The following CDH13 variants were observed in gnomAD, a reference collection of about 807,000 sequenced individuals.
The protein encoded by CDH13 is cadherin 13.
CDH13 carries 24 observed loss-of-function variants against 63.8 expected under a neutral mutation model. That is an observed-to-expected ratio of 0.38 (90% CI 0.27 to 0.53). CDH13 has a LOEUF of 0.53. Among genes scored for constraint, CDH13 ranks in the 20% least tolerant of loss-of-function variants. The probability of loss-of-function intolerance (pLI) is 0.85; values close to 1 mark genes in which losing one functional copy is unlikely to be tolerated. For synonymous variants in CDH13, 503 were observed against 355.3 expected (o/e 1.42, Z -4.67); for missense variants, 1,049 against 903.1 (o/e 1.16, Z -2.07).
In CDH13 at chr16:83,026,422, T is replaced by C. The variant is rs35427520; in HGVS notation, c.158-5588T>C. ...TCTCCTGTAAAATATAATATGATGCTTATATATTTATAGACTGTGCATTCT... is the reference window on the plus strand; with the variant it reads ...TCTCCTGTAAAATATAATATGATGCCTATATATTTATAGACTGTGCATTCT... On this transcript the variant is annotated intron_variant, in intron 2 of 13. Transcript: ENST00000567109. 1.4e-4 allele frequency among the ~76,000 whole-genome samples: 22 copies of C among 152,312 alleles called. No individual in the cohort carries two copies. The South Asian group carries it at 4.4e-3, about 30-fold the overall frequency.
intron 7 of CDH13, among the ~76,000 whole-genome samples, chr16:83,586,194 C>T (rs950296202): frequency 2.0e-5 from 3 of 152,152 alleles, no homozygotes; most frequent in Non-Finnish European, 2.9e-5. Context: ...CGGGAAGGTC[C>T]GCAGCCTGGG....
chr16:82,648,096 C>T (rs1467570589), intron 1 of CDH13, among the ~76,000 whole-genome samples: 2 of 152,170 alleles, frequency 1.3e-5, no homozygotes, highest in Non-Finnish European at 2.9e-5. Context: ...GAGGCCTCCT[C>T]AGCCATGTGG....
rs539811718 is a variant in CDH13, at chr16:83,629,242, A to G, written c.1101+26648A>G. On this transcript the variant is annotated intron_variant, in intron 8 of 13. Coordinates refer to ENST00000567109, the MANE Select transcript of CDH13 (RefSeq NM_001257.5). Reference sequence around the variant, plus strand: ...TACCTAAATAGAGATTGCCCAAAGAAGTTTTGCTGGCTTCTGAAAACTTTC... The same window carrying G: ...TACCTAAATAGAGATTGCCCAAAGAGGTTTTGCTGGCTTCTGAAAACTTTC... Among the ~76,000 whole-genome samples the G allele has an allele frequency of 7.2e-5, 11 of 152,338 alleles. No individual in the cohort carries two copies. In the South Asian group the frequency reaches 2.3e-3, roughly 32 times the overall value.
intron 7 of CDH13, among the ~76,000 whole-genome samples, chr16:83,558,776 G>A (rs974619310): frequency 6.6e-6 from 1 of 152,092 alleles, no homozygotes; most frequent in Non-Finnish European, 1.5e-5. Flanking sequence ...ATTAATGAGA[G>A]CAACAGAGAA....
At chr16:83,743,165 G>A (rs946080924) in intron 10 of CDH13, among the ~76,000 whole-genome samples, 7 of 152,102 alleles carry the variant, frequency 4.6e-5, no homozygotes, top group Non-Finnish European at 1.0e-4. Context: ...TGAGATCGCT[G>A]CCACTGCACT....
At chr16:83,155,772 T>A (rs745650435) in intron 4 of CDH13, among the ~76,000 whole-genome samples, 2 of 152,108 alleles carry the variant, frequency 1.3e-5, no homozygotes, top group Non-Finnish European at 2.9e-5. Context: ...TGCAAACAGA[T>A]GATATAAATA....
chr16:83,156,580 T>A (rs1441923143), intron 4 of CDH13, among the ~76,000 whole-genome samples: 3 of 152,188 alleles, frequency 2.0e-5, no homozygotes, highest in African/African-American at 7.2e-5. Flanking sequence ...CAAAGGTTTA[T>A]GTTTTCAAAG....
chr16:82,881,082 G>C (rs769393350), intron 2 of CDH13, among the ~76,000 whole-genome samples: 7 of 152,118 alleles, frequency 4.6e-5, no homozygotes, highest in African/African-American at 7.2e-5. Context: ...TTCATTTTCA[G>C]TGCTTTAGTA....
At chr16:82,811,840 T>G (rs912157859) in intron 1 of CDH13, among the ~76,000 whole-genome samples, 2 of 152,142 alleles carry the variant, frequency 1.3e-5, no homozygotes, top group Non-Finnish European at 2.9e-5. Flanking sequence ...CTTACACCAC[T>G]CAACTTAATA....
chr16:83,325,237 A>C (rs1162103149), intron 5 of CDH13, among the ~76,000 whole-genome samples: 1 of 152,216 alleles, frequency 6.6e-6, no homozygotes, highest in Non-Finnish European at 1.5e-5. Context: ...AAAGTCTCAC[A>C]CTGAACTTGA....
At chr16:82,832,536 A>G (rs1488486799) in intron 1 of CDH13, among the ~76,000 whole-genome samples, 1 of 152,128 alleles carries the variant, frequency 6.6e-6, no homozygotes, top group Non-Finnish European at 1.5e-5. Flanking sequence ...TCTATTAAAC[A>G]TAGTTATAGG....
chr16:83,689,320 G>A (rs1904616153), intron 10 of CDH13, among the ~76,000 whole-genome samples: 1 of 151,796 alleles, frequency 6.6e-6, no homozygotes, highest in Non-Finnish European at 1.5e-5. Flanking sequence ...AAATAGATAA[G>A]GATTGCTATA....
chr16:83,238,223 T>TAAA (rs11423173), intron 5 of CDH13, among the ~76,000 whole-genome samples: 3 of 149,572 alleles, frequency 2.0e-5, no homozygotes, highest in African/African-American at 2.5e-5. Flanking sequence ...GTAATTCATT[T>TAAA]AAAAAAAAAA....
intron 6 of CDH13, among the ~76,000 whole-genome samples, chr16:83,396,990 G>T (rs2091896404): frequency 6.6e-6 from 1 of 152,186 alleles, no homozygotes; most frequent in Admixed American, 6.5e-5. Context: ...AGCTACTAGT[G>T]GTGGTGCAGA....
chr16:83,008,021 A>G (rs1913726315), intron 2 of CDH13, among the ~76,000 whole-genome samples: 1 of 152,136 alleles, frequency 6.6e-6, no homozygotes, highest in Non-Finnish European at 1.5e-5. Flanking sequence ...TTGATGGATC[A>G]TAGTTGCTAA....
chr16:83,020,700 C>T (rs1263262605), intron 2 of CDH13, among the ~76,000 whole-genome samples: 1 of 152,232 alleles, frequency 6.6e-6, no homozygotes, highest in South Asian at 2.1e-4. Context: ...TCCTCTCTCT[C>T]TTTCTCCTGG....
At chr16:83,123,156 G>A (rs949347075) in intron 3 of CDH13, among the ~76,000 whole-genome samples, 9 of 151,978 alleles carry the variant, frequency 5.9e-5, no homozygotes, top group Non-Finnish European at 1.2e-4. Flanking sequence ...GTGTGTGTAT[G>A]AGTATGTGTG....
chr16:83,417,105 C>G (rs2151464937), intron 6 of CDH13, among the ~76,000 whole-genome samples: 1 of 152,260 alleles, frequency 6.6e-6, no homozygotes, highest in African/African-American at 2.4e-5. Context: ...ATTATTCCTA[C>G]TTTACAGATG....
chr16:83,334,286 TCTCTCTCTCC>T lies in CDH13; in HGVS notation c.637-10564_637-10555del, dbSNP rs529975067. On this transcript the variant is annotated intron_variant, in intron 5 of 13. Coordinates refer to ENST00000567109, the MANE Select transcript of CDH13 (RefSeq NM_001257.5). ...TGTTTCTCTCTTTCTTCCTCCTTTCTCTCTCTCTCCCTCTCTCTCCCCCCTCTCTCCCTAT... is the reference window on the plus strand; with the variant it reads ...TGTTTCTCTCTTTCTTCCTCCTTTCTCTCTCTCTCCCCCCTCTCTCCCTAT... Among the ~76,000 whole-genome samples the T allele has an allele frequency of 3.2e-3, 482 of 151,430 alleles. 3 individuals carry two copies. Among genetic ancestry groups the T allele is most frequent in the Non-Finnish European group, 3.0e-3 (204 of 67,820 alleles).
Sources: gnomAD v4.1 joint callset for allele counts (sites outside exome capture counted in the v4.1 genomes callset) on GRCh38, gnomAD v4.1.1 for gene constraint, MANE v1.5 for transcripts, NCBI Gene and HGNC (gene_info 2026-07-23, HGNC 2026-07-21) for gene names.